The following NCEH1 variants were observed in gnomAD, a reference collection of about 807,000 sequenced individuals.
The protein encoded by NCEH1 is 2-acetyl MAGE hydrolase.
A neutral mutation model predicts 25.4 loss-of-function variants in NCEH1; 9 were observed. The observed-to-expected ratio is 0.35, with a 90% CI of 0.21 to 0.62. The LOEUF is 0.62. Among genes scored for constraint, NCEH1 ranks in the 20% least tolerant of loss-of-function variants. NCEH1 has a pLI of 0.72. For synonymous variants in NCEH1, 200 were observed against 199.8 expected (o/e 1.00, Z -0.01); for missense variants, 412 against 501.1 (o/e 0.82, Z 1.70).
At chr3:172,662,852 CTCTTT>C (rs1203582873) in intron 1 of NCEH1, among the ~76,000 whole-genome samples, 1 of 110,018 alleles carries the variant, frequency 9.1e-6, no homozygotes, top group East Asian at 2.4e-4. Context: ...TGATTCTTCT[CTCTTT>C]TCTTATTAGT....
At chr3:172,693,602 C>G (rs1469010351) in intron 1 of NCEH1, among the ~76,000 whole-genome samples, 2 of 152,182 alleles carry the variant, frequency 1.3e-5, no homozygotes, top group Non-Finnish European at 2.9e-5. Flanking sequence ...TTGAGAGAGA[C>G]AGAAACCATG....
chr3:172,709,913 C>A (rs775744710), intron 1 of NCEH1, among the ~76,000 whole-genome samples: 12 of 152,150 alleles, frequency 7.9e-5, no homozygotes, highest in African/African-American at 1.2e-4. Flanking sequence ...ATAGAGCAGG[C>A]TGCTCAGAAA....
chr3:172,685,470 G>C (rs191988005), intron 1 of NCEH1, among the ~76,000 whole-genome samples: 1 of 152,064 alleles, frequency 6.6e-6, no homozygotes, highest in African/African-American at 2.4e-5. Context: ...AACCCAAAGG[G>C]CCCACAAATA....
intron 1 of NCEH1, among the ~76,000 whole-genome samples, chr3:172,664,830 A>G (rs1289035094): frequency 6.6e-6 from 1 of 152,078 alleles, no homozygotes; most frequent in Non-Finnish European, 1.5e-5. Flanking sequence ...GGTCTCCTCT[A>G]TGCTGTTTAT....
intron 1 of NCEH1, among the ~76,000 whole-genome samples, chr3:172,697,020 G>C (rs1283221351): frequency 2.0e-5 from 3 of 152,002 alleles, no homozygotes; most frequent in Admixed American, 6.6e-5. Flanking sequence ...CTGCCTCCTG[G>C]GTTCAAGCGA....
chr3:172,683,809 T>C (rs1052601930), intron 1 of NCEH1, among the ~76,000 whole-genome samples: 1 of 152,254 alleles, frequency 6.6e-6, no homozygotes, highest in Non-Finnish European at 1.5e-5. Context: ...ATACATCTAA[T>C]GTAAAGACTC....
At chr3:172,670,271 A>G (rs1228120202) in intron 1 of NCEH1, among the ~76,000 whole-genome samples, 1 of 152,266 alleles carries the variant, frequency 6.6e-6, no homozygotes, top group Non-Finnish European at 1.5e-5. Context: ...AAGAGCTGTC[A>G]GCCTTTCTCC....
intron 3 of NCEH1, among the ~76,000 whole-genome samples, chr3:172,638,814 A>G (rs1716718915): frequency 6.6e-6 from 1 of 152,234 alleles, no homozygotes; most frequent in Non-Finnish European, 1.5e-5. Flanking sequence ...GGTAACCTAA[A>G]AAAAACATGC....
chr3:172,694,372 A>T (rs910921419), intron 1 of NCEH1, among the ~76,000 whole-genome samples: 3 of 148,080 alleles, frequency 2.0e-5, no homozygotes, highest in African/African-American at 7.9e-5. Context: ...GGAAAGAGTT[A>T]TATATATGTG....
At chr3:172,665,252 T>C (rs1362838544) in intron 1 of NCEH1, among the ~76,000 whole-genome samples, 1 of 152,174 alleles carries the variant, frequency 6.6e-6, no homozygotes, top group Non-Finnish European at 1.5e-5. Flanking sequence ...TCGCTGGAGG[T>C]CCACTCCAGA....
rs550382608 is a variant in NCEH1, at chr3:172,661,188, A to G, written c.139-13074T>C. The stretch of plus-strand genomic sequence containing the variant: ...AAGGGATCCAGTTTCAGCTTTCTAC[A>G]TATGGCTAGCCAGTTTTCCCAGCAC... On this transcript the variant is annotated intron_variant, in intron 1 of 4. Transcript: ENST00000475381. 3.3e-5 allele frequency among the ~76,000 whole-genome samples: 5 copies of G among 152,338 alleles called. No individual in the cohort carries two copies. In the East Asian group the frequency reaches 7.7e-4, roughly 23 times the overall value.
chr3:172,690,095 G>A (rs1328443165), intron 1 of NCEH1, among the ~76,000 whole-genome samples: 3 of 151,862 alleles, frequency 2.0e-5, no homozygotes, highest in Non-Finnish European at 2.9e-5. Context: ...AGTAGAGACG[G>A]GGTTTCACCA....
At chr3:172,684,028 T>G (rs1406470954) in intron 1 of NCEH1, among the ~76,000 whole-genome samples, 1 of 152,252 alleles carries the variant, frequency 6.6e-6, no homozygotes, top group African/African-American at 2.4e-5. Context: ...CCTTTATAAC[T>G]TCTAATGAAT....
At chr3:172,647,621 T>C (rs1717180829) in intron 2 of NCEH1, among the ~76,000 whole-genome samples, 1 of 152,184 alleles carries the variant, frequency 6.6e-6, no homozygotes, top group South Asian at 2.1e-4. Flanking sequence ...TTTACAACAG[T>C]CTACCTGAAT....
At chr3:172,665,670 C>T (rs1001197886) in intron 1 of NCEH1, among the ~76,000 whole-genome samples, 2 of 152,224 alleles carry the variant, frequency 1.3e-5, no homozygotes, top group Admixed American at 1.3e-4. Context: ...CTTTGTTTAC[C>T]TCATCAAGCC....
chr3:172,652,424 A>G (rs920528284), intron 1 of NCEH1, among the ~76,000 whole-genome samples: 22 of 152,358 alleles, frequency 1.4e-4, no homozygotes, highest in African/African-American at 5.3e-4. Context: ...TGTAAGGATC[A>G]AACACCAAGG....
intron 3 of NCEH1, among the ~76,000 whole-genome samples, chr3:172,643,907 C>G (rs769373455): frequency 2.6e-5 from 4 of 152,200 alleles, no homozygotes; most frequent in African/African-American, 4.8e-5. Context: ...CTGTGCTTTC[C>G]TCTGGCCAGC....
intron 1 of NCEH1, among the ~76,000 whole-genome samples, chr3:172,700,525 T>A (rs76068315): frequency 0.033 from 5,059 of 152,202 alleles, 236 homozygotes; most frequent in African/African-American, 0.1. Context: ...ATTTAAAAAA[T>A]TTTTTTAAGA....
At chr3:172,710,314 C>T (rs1311462875) in intron 1 of NCEH1, among the ~76,000 whole-genome samples, 2 of 152,174 alleles carry the variant, frequency 1.3e-5, no homozygotes, top group African/African-American at 2.4e-5. Context: ...TCCTCAAGTG[C>T]TTGGATGGAG....
Sources: gnomAD v4.1 joint callset for allele counts (sites outside exome capture counted in the v4.1 genomes callset) on GRCh38, gnomAD v4.1.1 for gene constraint, MANE v1.5 for transcripts, NCBI Gene and HGNC (gene_info 2026-07-23, HGNC 2026-07-21) for gene names.